PATL1: variants seen among roughly 807,000 people sequenced by gnomAD.
PATL1 encodes the protein PAT1 homolog 1, processing body mRNA decay factor, also known as protein PAT1 homolog 1.
Under a neutral mutation model 100.6 loss-of-function variants are expected in PATL1, and 32 were observed. That is an observed-to-expected ratio of 0.32 (90% CI 0.24 to 0.43). The LOEUF (loss-of-function observed/expected upper bound fraction) is 0.43. Among genes scored for constraint, PATL1 ranks in the 20% least tolerant of loss-of-function variants. The pLI is 1.00. For missense variants in PATL1, 747 were observed against 949.9 expected (o/e 0.79, Z 2.81); for synonymous variants, 332 against 330.0 (o/e 1.01, Z -0.07).
Position 59,639,333 on chromosome 11 carries a change from C to A in PATL1, c.2100G>T (p.Gln700His), listed in dbSNP as rs1861241473. The change falls in exon 17 of 19, where the codon CAG becomes CAT. Residue 700 changes from glutamine to histidine, a missense_variant. By Grantham distance (24) the Gln-to-His change is conservative (BLOSUM62 0). This residue lies in a region of PATL1 where 434 missense variants were observed against 596.1 expected (regional missense o/e 0.73). Transcript: ENST00000300146. ...TTGATTCTGTAGCAGGGTCTGAACT[C>A]TGTAGGTCTTCACCACGGCTCAGGA... ...LILLSRGEDL[Q>H]SSDPATESTQ... The A allele has an allele frequency of 1.3e-6, 2 of 1,551,018 alleles. No homozygotes were observed. Among genetic ancestry groups the A allele is most frequent in the East Asian group, 2.4e-5 (1 of 40,956 alleles).
At chr11:59,657,393 TC>T (rs1263652997) in intron 5 of PATL1, 136 bp downstream of exon 5, 7 of 770,794 alleles carry the variant, frequency 9.1e-6, no homozygotes, top group Non-Finnish European at 1.2e-5. Flanking sequence ...TACTAATTTC[TC>T]CTCTAACTAG....
Position 59,638,387 on chromosome 11 carries a change from C to A in PATL1, c.*3G>T. 1 of 1,612,314 alleles carries A rather than the reference C, an allele frequency of 6.2e-7. No homozygotes were observed. The highest frequency in any genetic ancestry group is 8.5e-7 in the Non-Finnish European group (1 of 1,178,790). On this transcript the variant is annotated 3_prime_UTR_variant, in exon 19 of 19. Transcript: ENST00000300146. ...GGAGGTACAGGACACATTTGGAGAT[C>A]TTTTATCGTATCCCCTGAACTAGCC...
chr11:59,663,924 G>A (rs762607038), intron 2 of PATL1, among the ~76,000 whole-genome samples: 6 of 152,148 alleles, frequency 3.9e-5, no homozygotes, highest in Non-Finnish European at 7.4e-5. Context: ...GAGTATCAAA[G>A]AAGTCACAGG....
At chr11:59,649,667 T>A (rs1171348862) in intron 13 of PATL1, 57 bp from the exon 14 acceptor site, 4 of 1,538,572 alleles carry the variant, frequency 2.6e-6, no homozygotes, top group Non-Finnish European at 3.5e-6. Flanking sequence ...ACAGTATTAG[T>A]TAAACAATTT....
chr11:59,655,898 T>TA, intron 7 of PATL1, 58 bp downstream of exon 7: 1 of 1,417,144 alleles, frequency 7.1e-7, no homozygotes, highest in Non-Finnish European at 9.7e-7. Context: ...GGCTATTATC[T>TA]AATGAACTTT....
chr11:59,667,560 C>G (rs900832391), intron 1 of PATL1, among the ~76,000 whole-genome samples: 1 of 152,212 alleles, frequency 6.6e-6, no homozygotes, highest in African/African-American at 2.4e-5. Context: ...GGCTCCATTC[C>G]TACAATCAGT....
In PATL1 at chr11:59,642,946, G is replaced by T; in HGVS notation, c.1983C>A (p.Asn661Lys). 6.2e-7 allele frequency: 1 copy of T among 1,613,952 alleles called. No individual in the cohort carries two copies. The highest frequency in any genetic ancestry group is 1.3e-5 in the African/African-American group (1 of 75,050). The change falls in exon 16 of 19, where the codon AAC (asparagine) becomes AAA (lysine). Residue 661 changes from asparagine (N) to lysine (K), a missense_variant. Transcript: ENST00000300146. ...SITSLLRQLM[N>K]LPQSAATPAL... ...CTGGTGTAGCTGCACTTTGAGGTAG[G>T]TTCATTAGCTGTCGCAAAAGGCTGG... is the stretch of plus-strand genomic sequence containing the variant.
chr11:59,638,435 G>T, intron 18 of PATL1, 24 bp from the exon 19 acceptor site: 1 of 1,600,940 alleles, frequency 6.2e-7, no homozygotes, highest in Non-Finnish European at 8.6e-7. Flanking sequence ...GGAGAGAAAG[G>T]AAAATTGTAT....
rs201387142 is a variant in PATL1 at position 59,657,549 on chromosome 11, A to G, written c.602T>C (p.Val201Ala). 468 of 1,607,406 alleles carry G rather than the reference A, an allele frequency of 2.9e-4. No individual in the cohort carries two copies. The African/African-American group carries it at 4.3e-3, about 15-fold the overall frequency. Residue 201 changes from valine to alanine, a missense_variant, in exon 5 of 19, where the codon GTA becomes GCA. This residue lies in a region of PATL1 where 127 missense variants were observed against 116.0 expected (regional missense o/e 1.09). Coordinates refer to ENST00000300146, the MANE Select transcript of PATL1 (RefSeq NM_152716.3). ...AGGTACCTGTTGGGTGAAGCTGGGT[A>G]CAGCCATCTGTTTAGGTGGGGTGCC... ...PIGTPPKQMA[V>A]PSFTQQILCP...
intron 15 of PATL1, 84 bp downstream of exon 15, chr11:59,647,670 G>A: frequency 7.2e-7 from 1 of 1,383,834 alleles, no homozygotes; most frequent in Non-Finnish European, 1.0e-6. Context: ...CAAAAGGGAA[G>A]AGGAGAGGAA....
At chr11:59,644,857 A>G (rs1246883459) in intron 15 of PATL1, among the ~76,000 whole-genome samples, 1 of 148,044 alleles carries the variant, frequency 6.8e-6, no homozygotes, top group African/African-American at 2.5e-5. Flanking sequence ...GGAGCTCGAG[A>G]CAAGCCTGGA....
At position 59,642,870 on chromosome 11, in the gene PATL1, G is replaced by GC; in HGVS notation, c.2049+9dup. On this transcript the variant is annotated intron_variant, in intron 16 of 18. Coordinates refer to ENST00000300146, the MANE Select transcript of PATL1 (RefSeq NM_152716.3). ...TCACAAAGTTCAAGGAGTTAAAAGG[G>GC]CAAGATCACCTTGTTCTGGAGCACA... is the stretch of plus-strand genomic sequence containing the variant. 2 of 1,608,618 alleles carry GC rather than the reference G, an allele frequency of 1.2e-6. No individual in the cohort carries two copies. Among genetic ancestry groups the GC allele is most frequent in the Non-Finnish European group, 1.7e-6 (2 of 1,177,194 alleles).
rs1464259667 is a variant in PATL1, at chr11:59,637,859, A to C, written c.*531T>G. On this transcript the variant is annotated 3_prime_UTR_variant, in exon 19 of 19. Transcript: ENST00000300146. ...GTAATGAGACAACTAAATATTTTTCAATCTAAAATTCATTCTTTAAGGACC... is the reference window on the plus strand; with the variant it reads ...GTAATGAGACAACTAAATATTTTTCCATCTAAAATTCATTCTTTAAGGACC... 6.5e-6 allele frequency: 1 copy of C among 153,742 alleles called. No homozygotes were observed. The highest frequency in any genetic ancestry group is 6.4e-5 in the Admixed American group (1 of 15,590). The allele number at this position is 153,742 out of a possible 1,614,324, so 9.5% of individuals were successfully genotyped here.
At chr11:59,657,387 A>G in intron 5 of PATL1, 143 bp downstream of exon 5, 1 of 732,536 alleles carries the variant, frequency 1.4e-6, no homozygotes. Flanking sequence ...TATTTGTACT[A>G]ATTTCTCCTC....
At position 59,666,198 on chromosome 11, in the gene PATL1, A is replaced by G. The variant is rs987652094; in HGVS notation, c.127+655T>C. On this transcript the variant is annotated intron_variant, in intron 2 of 18. Transcript: ENST00000300146. ...GAGGCGGAGGTTGCAGTGAGCCAAGATCGTGCCACTGCACTCCAGCCTGGG... is the reference window on the plus strand; with the variant it reads ...GAGGCGGAGGTTGCAGTGAGCCAAGGTCGTGCCACTGCACTCCAGCCTGGG... Among the ~76,000 whole-genome samples the G allele has an allele frequency of 3.3e-5, 5 of 152,116 alleles. No individual in the cohort carries two copies. The East Asian group carries it at 9.6e-4, about 29-fold the overall frequency.
chr11:59,656,438 C>A, intron 6 of PATL1, 61 bp downstream of exon 6: 1 of 1,383,938 alleles, frequency 7.2e-7, no homozygotes, highest in South Asian at 1.2e-5. Flanking sequence ...TGGCAGTGAT[C>A]TTACAAATAG....
intron 16 of PATL1, among the ~76,000 whole-genome samples, chr11:59,641,230 G>A (rs560449854): frequency 7.0e-4 from 107 of 152,180 alleles, no homozygotes; most frequent in African/African-American, 2.2e-3. Context: ...TGAGGTGGGA[G>A]GATCGCTTTG....
Position 59,647,826 on chromosome 11 carries a change from C to T in PATL1, c.1821G>A (p.Glu607=), listed in dbSNP as rs757933484. 3.7e-5 allele frequency: 59 copies of T among 1,613,802 alleles called. No homozygotes were observed. Among genetic ancestry groups the T allele is most frequent in the Non-Finnish European group, 5.0e-5 (59 of 1,179,840 alleles). The change falls in exon 15 of 19, where the codon GAG becomes GAA. Residue 607 remains glutamate (E), a synonymous_variant. Transcript: ENST00000300146. Reference sequence around the variant, plus strand: ...TTGTCATGAGAATGTCAGCTGCTTGCTCTGTGGAGAGGAAAGGAAGAATAC... The same window carrying T: ...TTGTCATGAGAATGTCAGCTGCTTGTTCTGTGGAGAGGAAAGGAAGAATAC... ...VARILPFLST[E]QAADILMTTA...
intron 2 of PATL1, among the ~76,000 whole-genome samples, chr11:59,662,292 G>A (rs1258458607): frequency 2.6e-5 from 4 of 152,078 alleles, no homozygotes; most frequent in Non-Finnish European, 4.4e-5. Context: ...TTAAGCCTCC[G>A]GGACATGGGT....
Sources: allele counts gnomAD v4.1 joint callset (sites outside exome capture counted in the v4.1 genomes callset), GRCh38; gene constraint gnomAD v4.1.1; regional missense constraint gnomAD v4.1.1; transcripts MANE v1.5; gene names NCBI Gene and HGNC (gene_info 2026-07-23, HGNC 2026-07-21).